Variants in MED31 observed in about 807,000 individuals in gnomAD.
MED31 encodes mediator complex subunit 31, also known as mediator of RNA polymerase II transcription subunit 31.
In MED31, 11 loss-of-function variants were observed where a neutral mutation model predicts 22.0. The ratio of observed to expected loss-of-function variants is 0.50; its 90% CI spans 0.31 to 0.83. The LOEUF (loss-of-function observed/expected upper bound fraction) is 0.83. MED31 is among the 40% of genes least tolerant of loss of function. MED31 has a pLI of 0.04. For synonymous variants in MED31, 60 were observed against 55.1 expected (o/e 1.09, Z -0.40); for missense variants, 122 against 155.3 (o/e 0.79, Z 1.14).
intron 1 of MED31, among the ~76,000 whole-genome samples, chr17:6,650,833 A>C (rs1378032307): frequency 6.6e-6 from 1 of 152,184 alleles, no homozygotes; most frequent in East Asian, 1.9e-4. Flanking sequence ...ATCAGTAAAG[A>C]AAAACTTAGG....
rs143355547 is a variant in MED31, at chr17:6,650,103, C to A, written c.107-25G>T. 1,082 of 1,530,338 alleles carry A rather than the reference C, an allele frequency of 7.1e-4. 11 individuals carry two copies. In the African/African-American group the frequency reaches 0.013, roughly 19 times the overall value. 94.8% of individuals were successfully genotyped at this position (1,530,338 alleles called of 1,614,324 possible). On this transcript the variant is annotated intron_variant, in intron 2 of 3. Transcript: ENST00000225728. Reference sequence around the variant, plus strand: ...ACTGAAAAGCATTAAAAAAAAAAATCTGTAGGTCAAACCAATCCTTAAACT... The same window carrying A: ...ACTGAAAAGCATTAAAAAAAAAAATATGTAGGTCAAACCAATCCTTAAACT...
At chr17:6,647,773 C>A (rs1374533051) in intron 3 of MED31, among the ~76,000 whole-genome samples, 1 of 152,182 alleles carries the variant, frequency 6.6e-6, no homozygotes, top group Non-Finnish European at 1.5e-5. Flanking sequence ...ATGTTCCAGC[C>A]AGGTGGCCTT....
intron 3 of MED31, among the ~76,000 whole-genome samples, chr17:6,646,485 T>G (rs1382774949): frequency 6.6e-6 from 1 of 152,252 alleles, no homozygotes; most frequent in Non-Finnish European, 1.5e-5. Flanking sequence ...TGCTTTGAGA[T>G]GCTGTTAATC....
At chr17:6,648,650 GTC>G (rs1972791649) in intron 3 of MED31, among the ~76,000 whole-genome samples, 1 of 152,256 alleles carries the variant, frequency 6.6e-6, no homozygotes, top group Non-Finnish European at 1.5e-5. Flanking sequence ...CTAATTTGCA[GTC>G]TCTCTTGAAT....
intron 3 of MED31, among the ~76,000 whole-genome samples, chr17:6,648,639 G>A (rs1972791538): frequency 6.6e-6 from 1 of 152,216 alleles, no homozygotes; most frequent in Non-Finnish European, 1.5e-5. Context: ...CCCAAAAGGG[G>A]CTAATTTGCA....
intron 3 of MED31, among the ~76,000 whole-genome samples, chr17:6,647,212 G>C (rs527272185): frequency 3.3e-5 from 5 of 152,128 alleles, no homozygotes; most frequent in African/African-American, 1.2e-4. Flanking sequence ...CTCAGAGACC[G>C]GCACTGGTGC....
rs889145240 is a variant in MED31, at chr17:6,651,576, C to A, written c.-48G>T. On this transcript the variant is annotated 5_prime_UTR_variant, in exon 1 of 4. Coordinates refer to ENST00000225728, the MANE Select transcript of MED31 (RefSeq NM_016060.3). ...CCACCAGCCTGACAGAGCAAAAGCCCAGAGACGCGGGCGAAGTTCCGGAAA... is the reference window on the plus strand; with the variant it reads ...CCACCAGCCTGACAGAGCAAAAGCCAAGAGACGCGGGCGAAGTTCCGGAAA... 2 of 1,612,892 alleles carry A rather than the reference C, an allele frequency of 1.2e-6. No individual in the cohort carries two copies. The highest frequency in any genetic ancestry group is 1.7e-6 in the Non-Finnish European group (2 of 1,179,408).
chr17:6,650,063 C>A lies in MED31; in HGVS notation c.122G>T (p.Gly41Val), dbSNP rs750049200. ...PNYLNFLAQR[G>V]YFKDKAFVNY... ...AACAAAAGCTTTGTCTTTGAAGTAACCTCTTTGGGCAAGAACTGAAAAGCA... is the reference window on the plus strand; with the variant it reads ...AACAAAAGCTTTGTCTTTGAAGTAAACTCTTTGGGCAAGAACTGAAAAGCA... The change falls in exon 3 of 4, where the codon GGT (glycine) becomes GTT (valine). Residue 41 changes from glycine (G) to valine (V), a missense_variant. Gly to Val is a moderately radical substitution (Grantham distance 109, BLOSUM62 -3). Transcript: ENST00000225728. 1.2e-5 allele frequency: 19 copies of A among 1,595,494 alleles called. No homozygotes were observed. Among genetic ancestry groups the A allele is most frequent in the Non-Finnish European group, 1.6e-5 (19 of 1,175,362 alleles).
intron 1 of MED31, among the ~76,000 whole-genome samples, chr17:6,650,871 G>A (rs909426859): frequency 1.3e-5 from 2 of 152,188 alleles, no homozygotes; most frequent in Middle Eastern, 6.8e-3. Flanking sequence ...GAGCCTAAAA[G>A]ATCATGCAGC....
At chr17:6,650,306 T>C (rs781706588) in intron 2 of MED31, 50 bp downstream of exon 2, 9 of 1,556,956 alleles carry the variant, frequency 5.8e-6, no homozygotes, top group Non-Finnish European at 8.0e-6. Flanking sequence ...AACTCTTCTG[T>C]CAGAAATCAT....
Position 6,646,649 on chromosome 17 carries a change from AACCAGAG to A in MED31, c.204-1997_204-1991del, listed in dbSNP as rs746775396. On this transcript the variant is annotated intron_variant, in intron 3 of 3. Transcript: ENST00000225728. ...CCATCGCCATTCTCCATTCTCGATT[AACCAGAG>A]ACACAATGCACTGCGGAAGGCCGCA... Among the ~76,000 whole-genome samples, 157 of 152,358 alleles carry A rather than the reference AACCAGAG, an allele frequency of 1.0e-3. 1 individual carries two copies. The highest frequency in any genetic ancestry group is 1.9e-3 in the Non-Finnish European group (126 of 68,036).
At chr17:6,650,238 C>A in intron 2 of MED31, 118 bp downstream of exon 2, 1 of 1,258,418 alleles carries the variant, frequency 7.9e-7, no homozygotes, top group Non-Finnish European at 1.1e-6. Context: ...TATATACCAG[C>A]ATAAGTGTAA....
rs771549651 is a variant in MED31, at chr17:6,644,640, T to C, written c.223A>G (p.Met75Val). ...TGTTCATATTGGAGCAGCTCTAACA[T>C]GTGTAAACACTGAGGGTACCTGGGT... is the stretch of plus-strand genomic sequence containing the variant. ...KYLKYPQCLH[M>V]LELLQYEHFR... The change falls in exon 4 of 4, where the codon ATG becomes GTG. Residue 75 changes from methionine to valine, a missense_variant. Transcript: ENST00000225728. The C allele has an allele frequency of 1.3e-6, 2 of 1,592,690 alleles. No homozygotes were observed. The highest frequency in any genetic ancestry group is 1.7e-6 in the Non-Finnish European group (2 of 1,171,666).
intron 3 of MED31, among the ~76,000 whole-genome samples, chr17:6,649,127 C>CT (rs34435114): frequency 3.2e-4 from 46 of 144,852 alleles, no homozygotes; most frequent in East Asian, 4.0e-4. Context: ...TCCTCTCAAA[C>CT]TTTTTTTTTT....
intron 3 of MED31, among the ~76,000 whole-genome samples, chr17:6,649,340 T>C (rs1473546668): frequency 6.6e-6 from 1 of 152,030 alleles, no homozygotes; most frequent in African/African-American, 2.4e-5. Flanking sequence ...TAAATATATA[T>C]ATATAAATGA....
chr17:6,651,290 T>G, intron 1 of MED31: 1 of 613,976 alleles, frequency 1.6e-6, no homozygotes, highest in South Asian at 2.2e-5. Context: ...GCTGGTGGGG[T>G]GGTGTCTGAA....
In MED31 at chr17:6,647,972, G is replaced by A. The variant is rs569584437; in HGVS notation, c.203+2010C>T. Among the ~76,000 whole-genome samples the A allele has an allele frequency of 6.6e-5, 10 of 152,306 alleles. No homozygotes were observed. In the South Asian group the frequency reaches 1.7e-3, roughly 25 times the overall value. ...GGCTACAAGTCAACAAGATGAAATA[G>A]AAGCAGTATAAAAGGGAAGTTCTGC... On this transcript the variant is annotated intron_variant, in intron 3 of 3. Transcript: ENST00000225728.
intron 2 of MED31, 38 bp from the exon 3 acceptor site, chr17:6,650,116 C>A: frequency 6.5e-7 from 1 of 1,536,836 alleles, no homozygotes; most frequent in Non-Finnish European, 8.8e-7. Context: ...TAGGTCAAAC[C>A]AATCCTTAAA....
chr17:6,644,306 T>TA lies in MED31; in HGVS notation c.*160dup. ...AAGAACAATTCAGGTTTAACAGAAATAGTCTATTAACAATAAAAAGTTGGA... is the reference window on the plus strand; with the variant it reads ...AAGAACAATTCAGGTTTAACAGAAATAAGTCTATTAACAATAAAAAGTTGGA... On this transcript the variant is annotated 3_prime_UTR_variant, in exon 4 of 4. Coordinates refer to ENST00000225728, the MANE Select transcript of MED31 (RefSeq NM_016060.3). 1.4e-6 allele frequency: 1 copy of TA among 722,778 alleles called. No individual in the cohort carries two copies. Among genetic ancestry groups the TA allele is most frequent in the Non-Finnish European group, 2.0e-6 (1 of 490,484 alleles). The allele number at this position is 722,778 out of a possible 1,614,324, so 44.8% of individuals were successfully genotyped here.
Sources: allele counts gnomAD v4.1 joint callset (sites outside exome capture counted in the v4.1 genomes callset), GRCh38; gene constraint gnomAD v4.1.1; transcripts MANE v1.5; gene names NCBI Gene and HGNC (gene_info 2026-07-23, HGNC 2026-07-21).